The following CELF2 variants were observed in gnomAD, a reference collection of about 807,000 sequenced individuals.
CELF2 encodes the protein CUG triplet repeat RNA-binding protein 2.
In CELF2, 8 loss-of-function variants were observed where a neutral mutation model predicts 62.6. The ratio of observed to expected loss-of-function variants is 0.13; its 90% CI spans 0.07 to 0.23. The LOEUF is 0.23. Ranked by LOEUF, CELF2 falls within the 10% of genes least tolerant of loss-of-function variation. CELF2 has a pLI of 1.00. For missense variants in CELF2, 333 were observed against 671.0 expected (o/e 0.50, Z 5.56); for synonymous variants, 258 against 250.0 (o/e 1.03, Z -0.30).
chr10:10,732,599 C>T, the CELF2 span, among the ~76,000 whole-genome samples: 3 of 148,860 alleles, frequency 2.0e-5, no homozygotes, highest in Admixed American at 2.0e-4. Context: ...TCTTGGCTCA[C>T]TGCAACCTCT....
At chr10:10,976,814 G>A (rs1374003467) in intron 2 of CELF2, among the ~76,000 whole-genome samples, 5 of 151,812 alleles carry the variant, frequency 3.3e-5, no homozygotes, top group African/African-American at 7.3e-5. Context: ...CTCTTCCCTC[G>A]AACTAACTCA....
chr10:11,299,454 C>A (rs1337137526), intron 9 of CELF2, among the ~76,000 whole-genome samples: 1 of 152,140 alleles, frequency 6.6e-6, no homozygotes, highest in Admixed American at 6.5e-5. Flanking sequence ...GGACAAGCTG[C>A]CCCCCAACCC....
chr10:10,665,876 G>A, the CELF2 span, among the ~76,000 whole-genome samples: 1 of 152,160 alleles, frequency 6.6e-6, no homozygotes, highest in Admixed American at 6.5e-5. Context: ...AAACTACTCT[G>A]CAAGCCTATC....
At chr10:10,631,297 A>G in the CELF2 span, among the ~76,000 whole-genome samples, 1 of 152,216 alleles carries the variant, frequency 6.6e-6, no homozygotes, top group Non-Finnish European at 1.5e-5. Context: ...AAAACCATGC[A>G]CATGTATTTG....
intron 1 of CELF2, among the ~76,000 whole-genome samples, chr10:10,915,003 G>A (rs1047109119): frequency 1.2e-4 from 19 of 152,110 alleles, no homozygotes; most frequent in Admixed American, 5.2e-4. Context: ...GTGGTGGCAT[G>A]TGCCTGTAAT....
the CELF2 span, among the ~76,000 whole-genome samples, chr10:10,662,603 T>C: frequency 6.6e-6 from 1 of 152,182 alleles, no homozygotes; most frequent in African/African-American, 2.4e-5. Flanking sequence ...CTAAGAAGTC[T>C]CATTTTGTAG....
At chr10:11,060,064 A>G (rs895393780) in intron 1 of CELF2, among the ~76,000 whole-genome samples, 6 of 152,242 alleles carry the variant, frequency 3.9e-5, no homozygotes, top group Non-Finnish European at 7.3e-5. Flanking sequence ...AGAGAAGTCT[A>G]GTAAGAGAGT....
chr10:10,963,884 C>T (rs1317673797), intron 2 of CELF2, among the ~76,000 whole-genome samples: 1 of 152,050 alleles, frequency 6.6e-6, no homozygotes, highest in Non-Finnish European at 1.5e-5. Context: ...GCATCTATGT[C>T]CTCAATGGAG....
Position 11,316,611 on chromosome 10 carries a change from A to G in CELF2, c.1096+2353A>G, listed in dbSNP as rs151159360. Among the ~76,000 whole-genome samples the G allele has an allele frequency of 6.6e-6, 1 of 152,306 alleles. No individual in the cohort carries two copies. Among genetic ancestry groups the G allele is most frequent in the Non-Finnish European group, 1.5e-5 (1 of 68,022 alleles). The stretch of plus-strand genomic sequence containing the variant: ...TGACGGCAGCTTCCATAGCACTGCT[A>G]TGAATCCCACCCCACTGCAGCAGCC... On this transcript the variant is annotated intron_variant, in intron 10 of 12. Transcript: ENST00000633077. This position sits in a 1 kb window ranked among gnomAD's most constrained non-coding sequence, Gnocchi z 4.4.
intron 1 of CELF2, among the ~76,000 whole-genome samples, chr10:10,909,806 T>C (rs2063653019): frequency 6.6e-6 from 1 of 152,214 alleles, no homozygotes; most frequent in African/African-American, 2.4e-5. Context: ...TTCATTTGTG[T>C]AAGTATTTGT....
chr10:10,687,433 T>C, the CELF2 span, among the ~76,000 whole-genome samples: 1 of 152,218 alleles, frequency 6.6e-6, no homozygotes, highest in African/African-American at 2.4e-5. Flanking sequence ...ATGAAAATTT[T>C]AACCAAAAGT....
chr10:11,291,249 A>T (rs2092483980), intron 9 of CELF2, among the ~76,000 whole-genome samples: 1 of 152,232 alleles, frequency 6.6e-6, no homozygotes, highest in African/African-American at 2.4e-5. Flanking sequence ...CAAAGGGACA[A>T]TTCAATCCCC....
chr10:10,864,759 T>C (rs1370948116), intron 1 of CELF2, among the ~76,000 whole-genome samples: 7 of 152,158 alleles, frequency 4.6e-5, no homozygotes, highest in Admixed American at 1.3e-4. Context: ...AAGATATGAA[T>C]CTTAGAGAGA....
the CELF2 span, among the ~76,000 whole-genome samples, chr10:10,583,245 T>C: frequency 2.0e-5 from 3 of 152,176 alleles, no homozygotes; most frequent in East Asian, 3.9e-4. Flanking sequence ...TATCTGCTCT[T>C]CTCCACTTTT....
chr10:10,633,108 C>A, the CELF2 span, among the ~76,000 whole-genome samples: 1 of 152,142 alleles, frequency 6.6e-6, no homozygotes, highest in East Asian at 1.9e-4. Context: ...TTACCATCAT[C>A]ATTATTATTC....
Position 11,070,578 on chromosome 10 carries a change from AG to A in CELF2, c.74+52417del, listed in dbSNP as rs548182898. 2.6e-5 allele frequency among the ~76,000 whole-genome samples: 4 copies of A among 152,338 alleles called. No homozygotes were observed. In the East Asian group the frequency reaches 7.7e-4, roughly 29 times the overall value. On this transcript the variant is annotated intron_variant, in intron 1 of 12. Coordinates refer to ENST00000633077, the MANE Select transcript of CELF2 (RefSeq NM_001326342.2). ...TTGGAGGTTCATCTGCATGTAGTTC[AG>A]GTGAACATCTTGAGTCGTGAAAATC... is the stretch of plus-strand genomic sequence containing the variant.
At chr10:10,603,802 C>G in the CELF2 span, among the ~76,000 whole-genome samples, 1 of 151,988 alleles carries the variant, frequency 6.6e-6, no homozygotes, top group African/African-American at 2.4e-5. Context: ...CACACACACA[C>G]ACACACACTG....
chr10:11,011,335 T>C lies in CELF2; in HGVS notation c.53+5895T>C, dbSNP rs2056429525. Among the ~76,000 whole-genome samples, 1 of 151,438 alleles carries C rather than the reference T, an allele frequency of 6.6e-6. No individual in the cohort carries two copies. Among genetic ancestry groups the C allele is most frequent in the Non-Finnish European group, 1.5e-5 (1 of 67,888 alleles). ...CATGGAACAAAGAGTAGACAGTGAA[T>C]GAGGAGGGGTCAAGTGGCGAGATGC... On this transcript the variant is annotated intron_variant, in intron 1 of 12. Transcript: ENST00000416382. The surrounding 1 kb of genome is among the most constrained non-coding windows in gnomAD (Gnocchi z 4.6).
chr10:11,222,644 T>C (rs1174689417), intron 3 of CELF2, among the ~76,000 whole-genome samples: 1 of 152,246 alleles, frequency 6.6e-6, no homozygotes, highest in African/African-American at 2.4e-5. Context: ...CCATGCCCTT[T>C]ATAACCAAAT....
Sources: allele counts gnomAD v4.1 joint callset (sites outside exome capture counted in the v4.1 genomes callset), GRCh38; gene constraint gnomAD v4.1.1; non-coding constraint Gnocchi (gnomAD v3.1); transcripts MANE v1.5; gene names NCBI Gene and HGNC (gene_info 2026-07-23, HGNC 2026-07-21).